Variants in AGBL4 observed in about 807,000 individuals in gnomAD.
AGBL4 encodes the protein cytosolic carboxypeptidase 6.
A neutral mutation model predicts 66.4 loss-of-function variants in AGBL4; 58 were observed. The ratio of observed to expected loss-of-function variants is 0.87; its 90% CI spans 0.71 to 1.09. The LOEUF (loss-of-function observed/expected upper bound fraction) is 1.09, where lower values mean the gene tolerates loss of function less well. Ranked by LOEUF, AGBL4 falls within the 50% of genes least tolerant of loss-of-function variation. AGBL4 has a pLI of 0.00. For missense variants in AGBL4, 579 were observed against 631.0 expected, an observed-to-expected ratio of 0.92 and a Z score of 0.88; for synonymous variants, 234 against 222.9, an observed-to-expected ratio of 1.05 and a Z score of -0.44.
At chr1:49,277,376 G>T (rs979721908) in intron 3 of AGBL4, among the ~76,000 whole-genome samples, 2 of 152,128 alleles carry the variant, frequency 1.3e-5, no homozygotes, top group Non-Finnish European at 2.9e-5. Flanking sequence ...TTCATGGGGT[G>T]TGACATGATA....
intron 2 of AGBL4, among the ~76,000 whole-genome samples, chr1:49,780,400 T>A (rs1226610634): frequency 6.6e-6 from 1 of 151,952 alleles, no homozygotes; most frequent in Non-Finnish European, 1.5e-5. Context: ...ATAACTCAAA[T>A]CCACAAAAAT....
At chr1:48,731,079 C>T (rs1201070480) in intron 6 of AGBL4, among the ~76,000 whole-genome samples, 1 of 152,156 alleles carries the variant, frequency 6.6e-6, no homozygotes, top group African/African-American at 2.4e-5. Context: ...AAAGGCTTTT[C>T]TATTTTTTTA....
Position 48,701,588 on chromosome 1 carries a change from C to A in AGBL4, c.635-38347G>T, listed in dbSNP as rs539104428. Among the ~76,000 whole-genome samples the A allele has an allele frequency of 1.1e-4, 17 of 152,250 alleles. No individual in the cohort carries two copies. In the South Asian group the frequency reaches 3.5e-3, roughly 32 times the overall value. On this transcript the variant is annotated intron_variant, in intron 6 of 13. Transcript: ENST00000371839. ...CTGAGTAACTGGAGCTACAGGCACA[C>A]ACAGCCACATCCAACCCAGGTTGTT...
intron 1 of AGBL4, among the ~76,000 whole-genome samples, chr1:50,010,469 A>AACAC (rs113933841): frequency 0.34 from 50,286 of 148,846 alleles, 8,768 homozygotes; most frequent in East Asian, 0.71. Context: ...AGGAACCACA[A>AACAC]ACACACACAC....
chr1:49,494,610 T>A (rs941814078), intron 3 of AGBL4, among the ~76,000 whole-genome samples: 1 of 152,076 alleles, frequency 6.6e-6, no homozygotes, highest in Non-Finnish European at 1.5e-5. Context: ...GAACTCATCA[T>A]TTTTTATGGC....
At position 48,777,846 on chromosome 1, in the gene AGBL4, T is replaced by A. The variant is rs568863814; in HGVS notation, c.634+89345A>T. ...AAGGCTAGGGATTTCTGGAGCACTT[T>A]GAAGAGTACAGGAATAGTACTCCAT... On this transcript the variant is annotated intron_variant, in intron 6 of 13. Coordinates refer to ENST00000371839, the MANE Select transcript of AGBL4 (RefSeq NM_032785.4). Among the ~76,000 whole-genome samples the A allele has an allele frequency of 3.9e-5, 6 of 152,248 alleles. No homozygotes were observed. In the East Asian group the frequency reaches 7.7e-4, roughly 20 times the overall value.
At chr1:48,689,676 C>T (rs1029684045) in intron 6 of AGBL4, among the ~76,000 whole-genome samples, 2 of 152,198 alleles carry the variant, frequency 1.3e-5, no homozygotes, top group South Asian at 2.1e-4. Flanking sequence ...TTCATTATCC[C>T]GAAAGTACTG....
At chr1:48,965,312 A>G (rs1357724408) in intron 5 of AGBL4, among the ~76,000 whole-genome samples, 2 of 152,186 alleles carry the variant, frequency 1.3e-5, no homozygotes, top group African/African-American at 4.8e-5. Flanking sequence ...AGGAGGCTTC[A>G]TAAAGGAAGT....
At chr1:49,723,883 C>T (rs1648804913) in intron 2 of AGBL4, among the ~76,000 whole-genome samples, 1 of 152,066 alleles carries the variant, frequency 6.6e-6, no homozygotes, top group African/African-American at 2.4e-5. Context: ...CATATGATAT[C>T]TTCTATATGC....
intron 4 of AGBL4, among the ~76,000 whole-genome samples, chr1:49,106,420 A>G (rs763729015): frequency 1.3e-5 from 2 of 152,060 alleles, no homozygotes; most frequent in Non-Finnish European, 2.9e-5. Context: ...GTGTTATCAT[A>G]TGTTTGTCCT....
chr1:49,948,332 A>G (rs1571937379), intron 1 of AGBL4, among the ~76,000 whole-genome samples: 1 of 112,036 alleles, frequency 8.9e-6, no homozygotes, highest in African/African-American at 3.7e-5. Context: ...ATATAAACAT[A>G]TATAAATATA....
intron 5 of AGBL4, among the ~76,000 whole-genome samples, chr1:48,943,252 G>A (rs1175382819): frequency 1.3e-5 from 2 of 152,192 alleles, no homozygotes; most frequent in African/African-American, 4.8e-5. Flanking sequence ...AGAAAGTGGG[G>A]TGGAGGTGGG....
intron 4 of AGBL4, among the ~76,000 whole-genome samples, chr1:49,125,891 T>C (rs1001812332): frequency 2.0e-5 from 3 of 152,174 alleles, no homozygotes; most frequent in African/African-American, 4.8e-5. Context: ...TGTCAGTCTA[T>C]AGAGGGATAA....
chr1:49,095,577 A>C (rs1028517613), intron 4 of AGBL4, among the ~76,000 whole-genome samples: 4 of 152,216 alleles, frequency 2.6e-5, no homozygotes, highest in African/African-American at 7.2e-5. Flanking sequence ...TGACAAAAAC[A>C]AGAAATGGGG....
intron 5 of AGBL4, among the ~76,000 whole-genome samples, chr1:49,043,302 C>T (rs937469270): frequency 4.6e-5 from 7 of 151,996 alleles, no homozygotes; most frequent in Admixed American, 4.6e-4. Flanking sequence ...GTTGTGTTGG[C>T]CAATATGGAC....
chr1:48,688,241 A>G (rs942217002), intron 6 of AGBL4, among the ~76,000 whole-genome samples: 14 of 152,122 alleles, frequency 9.2e-5, no homozygotes, highest in African/African-American at 3.1e-4. Context: ...GTTGGAAAAG[A>G]TGATGGAGTT....
intron 3 of AGBL4, among the ~76,000 whole-genome samples, chr1:49,565,560 TG>T (rs1400345284): frequency 6.6e-6 from 1 of 152,194 alleles, no homozygotes; most frequent in African/African-American, 2.4e-5. Flanking sequence ...CCTTCATGTA[TG>T]AAGCTTAGTT....
intron 2 of AGBL4, among the ~76,000 whole-genome samples, chr1:49,843,296 T>TTGTGTGTG (rs71307607): frequency 9.0e-4 from 133 of 147,878 alleles, no homozygotes; most frequent in African/African-American, 3.0e-3. Flanking sequence ...CTAGCTAATT[T>TTGTGTGTG]TGTGTGTGTG....
chr1:48,939,243 G>T (rs1446317009), intron 5 of AGBL4, among the ~76,000 whole-genome samples: 1 of 152,186 alleles, frequency 6.6e-6, no homozygotes, highest in Non-Finnish European at 1.5e-5. Context: ...TTTGCTAAAA[G>T]AATGTCTTGG....
Sources: gnomAD v4.1 joint callset for allele counts (sites outside exome capture counted in the v4.1 genomes callset) on GRCh38, gnomAD v4.1.1 for gene constraint, MANE v1.5 for transcripts, NCBI Gene and HGNC (gene_info 2026-07-23, HGNC 2026-07-21) for gene names.